GHR: variants seen among roughly 807,000 people sequenced by gnomAD.
GHR encodes the protein growth hormone receptor, also known as GH receptor.
Under a neutral mutation model 67.1 loss-of-function variants are expected in GHR, and 35 were observed. The observed-to-expected ratio is 0.52, with a 90% CI of 0.40 to 0.69. The LOEUF (loss-of-function observed/expected upper bound fraction) is 0.69. Among genes scored for constraint, GHR ranks in the 30% least tolerant of loss-of-function variants. The pLI is 0.00. For synonymous variants in GHR, 272 were observed against 269.1 expected, an observed-to-expected ratio of 1.01 and a Z score of -0.10; for missense variants, 792 against 764.6, an observed-to-expected ratio of 1.04 and a Z score of -0.42.
chr5:42,613,856 A>T (rs1753007303), intron 2 of GHR, among the ~76,000 whole-genome samples: 1 of 152,134 alleles, frequency 6.6e-6, no homozygotes, highest in Non-Finnish European at 1.5e-5. Flanking sequence ...AGGAGAAAGG[A>T]TCATCTACTT....
At chr5:42,465,858 C>T (rs1744706195) in intron 1 of GHR, 1 of 743,696 alleles carries the variant, frequency 1.3e-6, no homozygotes, top group South Asian at 1.5e-5. Context: ...AGTCTATCAA[C>T]TGAAAATTCG....
chr5:42,452,673 TC>T lies in GHR; in HGVS notation c.-12+28719del, dbSNP rs1228193369. On this transcript the variant is annotated intron_variant, in intron 1 of 9. Coordinates refer to ENST00000230882, the MANE Select transcript of GHR (RefSeq NM_000163.5). Reference sequence around the variant, plus strand: ...CTCTGAAGTTCTTTCTTCTTCTTGTTCTAGTTTGTTGCTGAAACTTTCCACT... The same window carrying T: ...CTCTGAAGTTCTTTCTTCTTCTTGTTTAGTTTGTTGCTGAAACTTTCCACT... Among the ~76,000 whole-genome samples, 4 of 152,286 alleles carry T rather than the reference TC, an allele frequency of 2.6e-5. No homozygotes were observed. In the East Asian group the frequency reaches 5.8e-4, roughly 22 times the overall value.
At chr5:42,687,670 C>G (rs577091869) in intron 3 of GHR, among the ~76,000 whole-genome samples, 1 of 152,202 alleles carries the variant, frequency 6.6e-6, no homozygotes, top group African/African-American at 2.4e-5. Flanking sequence ...AGGTATGTAA[C>G]CTGGAATTTG....
chr5:42,567,206 C>T (rs183426502), intron 2 of GHR, among the ~76,000 whole-genome samples: 1 of 152,248 alleles, frequency 6.6e-6, no homozygotes, highest in East Asian at 1.9e-4. Context: ...ATTAAGGTGA[C>T]TTTCACTCCA....
chr5:42,680,913 A>G (rs1490651311), intron 3 of GHR, among the ~76,000 whole-genome samples: 1 of 152,094 alleles, frequency 6.6e-6, no homozygotes, highest in Non-Finnish European at 1.5e-5. Flanking sequence ...TTTGTTACAT[A>G]GGCATACATG....
chr5:42,468,584 G>A (rs1744847094), intron 1 of GHR: 2 of 994,742 alleles, frequency 2.0e-6, no homozygotes, highest in African/African-American at 1.6e-5. Context: ...GGACGGCTGC[G>A]TCTCCTCTTT....
At chr5:42,441,852 A>G (rs1477527040) in intron 1 of GHR, among the ~76,000 whole-genome samples, 2 of 152,140 alleles carry the variant, frequency 1.3e-5, no homozygotes, top group South Asian at 2.1e-4. Flanking sequence ...GCACATTTGA[A>G]CAATAATGGG....
intron 1 of GHR, among the ~76,000 whole-genome samples, chr5:42,493,111 G>T (rs1024670364): frequency 6.6e-6 from 1 of 152,154 alleles, no homozygotes; most frequent in South Asian, 2.1e-4. Flanking sequence ...AAAGGGTTAC[G>T]CCTCGCAGTG....
At chr5:42,524,063 T>C (rs1383077142) in intron 1 of GHR, among the ~76,000 whole-genome samples, 2 of 152,140 alleles carry the variant, frequency 1.3e-5, no homozygotes, top group Non-Finnish European at 2.9e-5. Context: ...GAAAACAAAC[T>C]AATACAGTAA....
rs1008803936 is a variant in GHR at position 42,449,836 on chromosome 5, A to G, written c.-12+25881A>G. Reference sequence around the variant, plus strand: ...CAATTTTGTTGAGGGTTTTTATCATAAAAGTATGCTGGATTTTGTCAAATG... The same window carrying G: ...CAATTTTGTTGAGGGTTTTTATCATGAAAGTATGCTGGATTTTGTCAAATG... On this transcript the variant is annotated intron_variant, in intron 1 of 9. Transcript: ENST00000230882. 3.9e-5 allele frequency among the ~76,000 whole-genome samples: 6 copies of G among 152,170 alleles called. No homozygotes were observed. The East Asian group carries it at 1.2e-3, about 29-fold the overall frequency.
chr5:42,562,163 C>T (rs1474260007), intron 1 of GHR, among the ~76,000 whole-genome samples: 1 of 152,108 alleles, frequency 6.6e-6, no homozygotes, highest in South Asian at 2.1e-4. Flanking sequence ...GAGAAGGATT[C>T]CCTCATCTAG....
intron 1 of GHR, among the ~76,000 whole-genome samples, chr5:42,491,757 G>A (rs993157049): frequency 6.6e-6 from 1 of 152,210 alleles, no homozygotes. Flanking sequence ...GAATGGATGA[G>A]GAAGTCTGCT....
intron 1 of GHR, among the ~76,000 whole-genome samples, chr5:42,448,711 G>A (rs1487479102): frequency 6.6e-6 from 1 of 151,686 alleles, no homozygotes; most frequent in Non-Finnish European, 1.5e-5. Flanking sequence ...CTTTGCCTAA[G>A]CCAATGTTGA....
At chr5:42,468,880 C>T in intron 1 of GHR, 3 of 782,542 alleles carry the variant, frequency 3.8e-6, no homozygotes, top group Non-Finnish European at 5.9e-6. Context: ...GGTTGCTCGG[C>T]GGCACATTCC....
intron 2 of GHR, among the ~76,000 whole-genome samples, chr5:42,603,144 T>G (rs975223600): frequency 0.029 from 9 of 306 alleles, no homozygotes; most frequent in South Asian, 0.077. Context: ...GGTTTTGTGT[T>G]TTTTTTTTCT....
chr5:42,666,784 T>A (rs1756005003), intron 3 of GHR, among the ~76,000 whole-genome samples: 1 of 152,064 alleles, frequency 6.6e-6, no homozygotes, highest in African/African-American at 2.4e-5. Flanking sequence ...TTTAACACAA[T>A]CCCCAGGTGA....
intron 1 of GHR, among the ~76,000 whole-genome samples, chr5:42,513,659 G>T (rs887775331): frequency 6.6e-6 from 1 of 152,220 alleles, no homozygotes; most frequent in Admixed American, 6.5e-5. Context: ...GTGCATGCCT[G>T]TAATCCCAGC....
At chr5:42,665,233 C>T (rs1410181609) in intron 3 of GHR, among the ~76,000 whole-genome samples, 2 of 152,122 alleles carry the variant, frequency 1.3e-5, no homozygotes, top group Admixed American at 6.5e-5. Flanking sequence ...TTTGACCCAG[C>T]CATCCCATTA....
chr5:42,701,935 A>T (rs989270097), intron 6 of GHR, among the ~76,000 whole-genome samples: 2 of 152,094 alleles, frequency 1.3e-5, no homozygotes, highest in Admixed American at 1.3e-4. Flanking sequence ...AATTTTTTTA[A>T]TGATCAAAAA....
Sources: allele counts gnomAD v4.1 joint callset (sites outside exome capture counted in the v4.1 genomes callset), GRCh38; gene constraint gnomAD v4.1.1; transcripts MANE v1.5; gene names NCBI Gene and HGNC (gene_info 2026-07-23, HGNC 2026-07-21).